Variants in SDK1 observed in about 807,000 individuals in gnomAD.
The protein encoded by SDK1 is protein sidekick-1.
Under a neutral mutation model 245.5 loss-of-function variants are expected in SDK1, and 157 were observed. The observed-to-expected ratio is 0.64, with a 90% confidence interval of 0.56 to 0.73. The LOEUF is 0.73. Among genes scored for constraint, SDK1 ranks in the 30% least tolerant of loss-of-function variants. SDK1 has a pLI of 0.00. For missense variants in SDK1, 3,583 were observed against 3,002.3 expected, an observed-to-expected ratio of 1.19 and a Z score of -4.52; for synonymous variants, 1,647 against 1,278.5, an observed-to-expected ratio of 1.29 and a Z score of -6.15.
At chr7:4,005,652 GC>G (rs1411161002) in intron 14 of SDK1, among the ~76,000 whole-genome samples, 1 of 152,078 alleles carries the variant, frequency 6.6e-6, no homozygotes, top group Non-Finnish European at 1.5e-5. Flanking sequence ...GGTTTCTGTG[GC>G]TACAGACCCG....
chr7:3,788,738 G>T (rs1351561929), intron 4 of SDK1, among the ~76,000 whole-genome samples: 2 of 152,210 alleles, frequency 1.3e-5, no homozygotes, highest in African/African-American at 4.8e-5. Flanking sequence ...CAGTCCGCGG[G>T]TTGGGCAAGC....
At chr7:3,829,995 C>T (rs186882435) in intron 5 of SDK1, among the ~76,000 whole-genome samples, 81 of 152,196 alleles carry the variant, frequency 5.3e-4, no homozygotes, top group Admixed American at 5.3e-3. Context: ...TTTCTGATAA[C>T]AAAGTGGTTG....
chr7:4,109,645 A>G (rs111935021), intron 22 of SDK1, among the ~76,000 whole-genome samples: 6 of 152,296 alleles, frequency 3.9e-5, no homozygotes, highest in African/African-American at 1.4e-4. Flanking sequence ...AGAGATCTCC[A>G]AAGATGAGCT....
At position 4,088,636 on chromosome 7, in the gene SDK1, G is replaced by C. The variant is rs113919437; in HGVS notation, c.3324+9052G>C. ...ATTGAGCTGCTCATTTGGTTTTTCT[G>C]ATTTCATCTGTTGGTAAGGTGGTTC... On this transcript the variant is annotated intron_variant, in intron 22 of 44. Transcript: ENST00000404826. 9.0e-4 allele frequency among the ~76,000 whole-genome samples: 137 copies of C among 151,644 alleles called. 1 individual carries two copies. The highest frequency in any genetic ancestry group is 3.2e-3 in the African/African-American group (132 of 41,352).
chr7:4,207,218 G>T (rs1392548443), intron 36 of SDK1, among the ~76,000 whole-genome samples: 1 of 152,214 alleles, frequency 6.6e-6, no homozygotes, highest in Non-Finnish European at 1.5e-5. Context: ...GGGCGCTCCA[G>T]GCTGCCTCCC....
intron 4 of SDK1, among the ~76,000 whole-genome samples, chr7:3,669,543 T>G (rs1783632079): frequency 6.6e-6 from 1 of 152,184 alleles, no homozygotes; most frequent in Non-Finnish European, 1.5e-5. Context: ...ACACTCCTGC[T>G]CATTTTTTCT....
rs1484973538 is a variant in SDK1 at position 3,352,884 on chromosome 7, A to G, written c.298+51000A>G. On this transcript the variant is annotated intron_variant, in intron 1 of 44. Coordinates refer to ENST00000404826, the MANE Select transcript of SDK1 (RefSeq NM_152744.4). ...TATTTTCCGAAGAGTGGGAATCTAA[A>G]TCGGAACAGGCACCAGGTTGAAGAA... 2.6e-5 allele frequency among the ~76,000 whole-genome samples: 4 copies of G among 152,026 alleles called. No individual in the cohort carries two copies. In the East Asian group the frequency reaches 7.7e-4, roughly 29 times the overall value.
intron 4 of SDK1, among the ~76,000 whole-genome samples, chr7:3,659,653 AT>A (rs1418223123): frequency 3.3e-5 from 5 of 152,152 alleles, no homozygotes; most frequent in African/African-American, 1.2e-4. Flanking sequence ...AGTGGGGTGG[AT>A]TTATACCAGG....
At chr7:3,582,526 T>A (rs1451778993) in intron 1 of SDK1, among the ~76,000 whole-genome samples, 3 of 151,898 alleles carry the variant, frequency 2.0e-5, no homozygotes, top group African/African-American at 7.3e-5. Flanking sequence ...CAGTGTCTGC[T>A]GTGGAGGGTG....
At chr7:3,984,095 C>T (rs1783632655) in intron 13 of SDK1, among the ~76,000 whole-genome samples, 1 of 152,176 alleles carries the variant, frequency 6.6e-6, no homozygotes, top group African/African-American at 2.4e-5. Flanking sequence ...GTTGGGTGTG[C>T]CTGCTTCGGG....
At position 4,117,210 on chromosome 7, in the gene SDK1, G is replaced by A. The variant is rs7782984; in HGVS notation, c.3823+2936G>A. Among the ~76,000 whole-genome samples, 1,164 of 152,308 alleles carry A rather than the reference G, an allele frequency of 7.6e-3. 18 individuals carry two copies. Among genetic ancestry groups the A allele is most frequent in the African/African-American group, 0.027 (1,114 of 41,568 alleles). ...TTGGCCAGGCAGGGTCCTCACACCT[G>A]TAATCCCAGCACTTTGGGAAGCTGA... On this transcript the variant is annotated intron_variant, in intron 25 of 44. Transcript: ENST00000404826.
At chr7:4,098,440 G>A (rs1019149942) in intron 22 of SDK1, among the ~76,000 whole-genome samples, 1 of 152,106 alleles carries the variant, frequency 6.6e-6, no homozygotes, top group African/African-American at 2.4e-5. Flanking sequence ...AGATTTGCCT[G>A]TGTGTTTCAT....
intron 1 of SDK1, among the ~76,000 whole-genome samples, chr7:3,336,603 C>T (rs548200874): frequency 3.3e-5 from 5 of 152,096 alleles, no homozygotes; most frequent in African/African-American, 1.2e-4. Flanking sequence ...GCACTCCCCA[C>T]CTCCCCGCCC....
intron 4 of SDK1, among the ~76,000 whole-genome samples, chr7:3,783,633 C>A (rs1780816799): frequency 6.6e-6 from 1 of 152,100 alleles, no homozygotes; most frequent in Non-Finnish European, 1.5e-5. Flanking sequence ...ACGAAAATTA[C>A]TTAGGAATAA....
rs529217084 is a variant in SDK1 at position 3,360,374 on chromosome 7, G to C, written c.298+58490G>C. Among the ~76,000 whole-genome samples the C allele has an allele frequency of 1.2e-3, 186 of 152,282 alleles. No homozygotes were observed. In the South Asian group the frequency reaches 0.018, roughly 15 times the overall value. On this transcript the variant is annotated intron_variant, in intron 1 of 44. Transcript: ENST00000404826. ...CTCATCAGACAGGTGCAAAGAATGG[G>C]TATTTTAAAGCAATTAGATTTAACA...
intron 4 of SDK1, among the ~76,000 whole-genome samples, chr7:3,653,946 G>C (rs1167628011): frequency 1.3e-5 from 2 of 152,180 alleles, no homozygotes; most frequent in Non-Finnish European, 2.9e-5. Context: ...AAAGTGGTTT[G>C]CCAAGTAATG....
At chr7:4,087,477 G>GCA (rs901364847) in intron 22 of SDK1, among the ~76,000 whole-genome samples, 1 of 98,606 alleles carries the variant, frequency 1.0e-5, no homozygotes, top group African/African-American at 8.1e-5. Context: ...ACACACACGC[G>GCA]CGCACACACA....
chr7:3,731,905 C>A (rs564557483), intron 4 of SDK1, among the ~76,000 whole-genome samples: 9 of 152,290 alleles, frequency 5.9e-5, no homozygotes, highest in African/African-American at 2.2e-4. Flanking sequence ...GATTATCCTG[C>A]CTCAGCCTCC....
At chr7:3,512,325 T>C (rs894096913) in intron 1 of SDK1, among the ~76,000 whole-genome samples, 1 of 152,218 alleles carries the variant, frequency 6.6e-6, no homozygotes, top group Non-Finnish European at 1.5e-5. Flanking sequence ...CTGAGTAATA[T>C]TCCATTGTGT....
Sources: allele counts gnomAD v4.1 joint callset (sites outside exome capture counted in the v4.1 genomes callset), GRCh38; gene constraint gnomAD v4.1.1; transcripts MANE v1.5; gene names NCBI Gene and HGNC (gene_info 2026-07-23, HGNC 2026-07-21).